The following CATSPERB variants were observed in gnomAD, a reference collection of about 807,000 sequenced individuals.
CATSPERB encodes the protein cation channel sperm-associated auxiliary subunit beta.
In CATSPERB, 93 loss-of-function variants were observed where a neutral mutation model predicts 128.3. The observed-to-expected ratio is 0.72, with a 90% CI of 0.61 to 0.86. The LOEUF (loss-of-function observed/expected upper bound fraction) is 0.86, where lower values mean the gene tolerates loss of function less well. Ranked by LOEUF, CATSPERB falls within the 40% of genes least tolerant of loss-of-function variation. CATSPERB has a pLI of 0.00. For missense variants in CATSPERB, 1,153 were observed against 1,329.5 expected (o/e 0.87, Z 2.06); for synonymous variants, 381 against 448.8 (o/e 0.85, Z 1.91).
chr14:91,610,361 A>G (rs1473791059), intron 21 of CATSPERB, 119 bp downstream of exon 21: 1 of 697,882 alleles, frequency 1.4e-6, no homozygotes, highest in African/African-American at 1.8e-5. Context: ...ATTAAAAAAT[A>G]ACTGTGAAGT....
At chr14:91,624,738 A>C (rs1455894668) in intron 18 of CATSPERB, 82 bp downstream of exon 18, 4 of 1,022,474 alleles carry the variant, frequency 3.9e-6, no homozygotes, top group African/African-American at 1.7e-5. Flanking sequence ...TTGCTCTATA[A>C]ATAAGCATTA....
In CATSPERB at chr14:91,715,420, C is replaced by T. The variant is rs555517487; in HGVS notation, c.370+3998G>A. ...CTACTAAAAATACAAAAAAATTAGC[C>T]AGGCGCCTGTAATCCCAGCTACTGA... On this transcript the variant is annotated intron_variant, in intron 5 of 26. Coordinates refer to ENST00000256343, the MANE Select transcript of CATSPERB (RefSeq NM_024764.4). 2.6e-5 allele frequency among the ~76,000 whole-genome samples: 4 copies of T among 151,682 alleles called. No homozygotes were observed. In the East Asian group the frequency reaches 7.8e-4, roughly 29 times the overall value.
intron 13 of CATSPERB, among the ~76,000 whole-genome samples, chr14:91,670,770 G>A (rs1274971064): frequency 2.6e-5 from 4 of 152,176 alleles, no homozygotes; most frequent in African/African-American, 9.6e-5. Context: ...TTGGGGGGCC[G>A]AACTGGGTGG....
In CATSPERB at chr14:91,729,487, A is replaced by G; in HGVS notation, c.1-8T>C. ...TATAAGTGGCGATTCCATCTGTTGGAATAAATAAGAATTATTTTCACTCAA... is the reference window on the plus strand; with the variant it reads ...TATAAGTGGCGATTCCATCTGTTGGGATAAATAAGAATTATTTTCACTCAA... On this transcript the variant is annotated splice_region_variant and splice_polypyrimidine_tract_variant and intron_variant, in intron 1 of 26. Coordinates refer to ENST00000256343, the MANE Select transcript of CATSPERB (RefSeq NM_024764.4). The G allele has an allele frequency of 7.0e-7, 1 of 1,425,228 alleles. No homozygotes were observed. Among genetic ancestry groups the G allele is most frequent in the Non-Finnish European group, 9.7e-7 (1 of 1,028,316 alleles). 88.3% of individuals were successfully genotyped at this position (1,425,228 alleles called of 1,614,324 possible).
chr14:91,586,575 G>GAGAGAGAA (rs1270098417), intron 26 of CATSPERB, among the ~76,000 whole-genome samples: 1 of 151,414 alleles, frequency 6.6e-6, no homozygotes, highest in East Asian at 2.0e-4. Context: ...GAGAGAAAGA[G>GAGAGAGAA]AGAGAGAGAG....
intron 11 of CATSPERB, among the ~76,000 whole-genome samples, chr14:91,681,257 A>G (rs1011250035): frequency 6.6e-6 from 1 of 152,188 alleles, no homozygotes; most frequent in Non-Finnish European, 1.5e-5. Flanking sequence ...TATATATTCT[A>G]TAGTTAACAT....
At chr14:91,617,365 A>C (rs981140325) in intron 20 of CATSPERB, among the ~76,000 whole-genome samples, 1 of 152,154 alleles carries the variant, frequency 6.6e-6, no homozygotes, top group Non-Finnish European at 1.5e-5. Context: ...TTTTTCTTTT[A>C]AGTTTGATAA....
intron 10 of CATSPERB, among the ~76,000 whole-genome samples, chr14:91,685,411 T>G (rs115932343): frequency 1.3e-5 from 2 of 152,316 alleles, no homozygotes; most frequent in African/African-American, 4.8e-5. Flanking sequence ...GGCTGATAAG[T>G]TAGTCCAAAA....
At chr14:91,627,779 A>G (rs1894195518) in intron 17 of CATSPERB, among the ~76,000 whole-genome samples, 1 of 151,800 alleles carries the variant, frequency 6.6e-6, no homozygotes, top group African/African-American at 2.4e-5. Flanking sequence ...ACCAGCTTGG[A>G]TGCAACATAG....
intron 24 of CATSPERB, among the ~76,000 whole-genome samples, chr14:91,589,317 A>G (rs1163968166): frequency 6.6e-6 from 1 of 152,200 alleles, no homozygotes; most frequent in African/African-American, 2.4e-5. Flanking sequence ...AAATTATTCA[A>G]AAATGCTTTT....
chr14:91,696,106 G>A (rs1895557489), intron 7 of CATSPERB, among the ~76,000 whole-genome samples: 1 of 152,276 alleles, frequency 6.6e-6, no homozygotes, highest in South Asian at 2.1e-4. Flanking sequence ...GAGTAGTTTT[G>A]TTTCAAAGGA....
At chr14:91,660,910 T>C (rs1758823098) in intron 14 of CATSPERB, among the ~76,000 whole-genome samples, 1 of 152,212 alleles carries the variant, frequency 6.6e-6, no homozygotes, top group Non-Finnish European at 1.5e-5. Flanking sequence ...ACTGATTTCA[T>C]TTTTATGGTA....
In CATSPERB at chr14:91,580,718, G is replaced by A. The variant is rs1893190178; in HGVS notation, c.*171C>T. 2 of 616,622 alleles carry A rather than the reference G, an allele frequency of 3.2e-6. No individual in the cohort carries two copies. Among genetic ancestry groups the A allele is most frequent in the Admixed American group, 6.0e-5 (2 of 33,322 alleles). The allele number at this position is 616,622 out of a possible 1,614,324, so 38.2% of individuals were successfully genotyped here. ...AGCCCTGGCATAAGACATTTTCTAT[G>A]TATTCAAAATAAGAAAAGGAAATGG... is the stretch of plus-strand genomic sequence containing the variant. On this transcript the variant is annotated 3_prime_UTR_variant, in exon 27 of 27. Transcript: ENST00000256343.
intron 4 of CATSPERB, among the ~76,000 whole-genome samples, 160 bp downstream of exon 4, chr14:91,722,889 A>G (rs919303894): frequency 6.6e-6 from 1 of 152,202 alleles, no homozygotes; most frequent in Non-Finnish European, 1.5e-5. Context: ...ATTTAAAAAT[A>G]TATGACTGTT....
chr14:91,646,778 A>C (rs773322374), intron 15 of CATSPERB, among the ~76,000 whole-genome samples: 2 of 152,238 alleles, frequency 1.3e-5, no homozygotes, highest in Non-Finnish European at 2.9e-5. Flanking sequence ...TACAATGATG[A>C]ATAGAGGCAG....
chr14:91,718,830 T>C (rs934498491), intron 5 of CATSPERB, among the ~76,000 whole-genome samples: 1 of 152,198 alleles, frequency 6.6e-6, no homozygotes, highest in Non-Finnish European at 1.5e-5. Flanking sequence ...TGAAGTCAAG[T>C]TGGTTTTGTT....
chr14:91,586,259 G>A (rs771981862), intron 26 of CATSPERB, among the ~76,000 whole-genome samples: 17 of 152,078 alleles, frequency 1.1e-4, no homozygotes, highest in Non-Finnish European at 2.4e-4. Context: ...CTTGTTCTCT[G>A]GAAAGAAAGT....
intron 4 of CATSPERB, among the ~76,000 whole-genome samples, chr14:91,722,293 TTCA>T (rs1466260401): frequency 1.3e-5 from 2 of 152,178 alleles, no homozygotes; most frequent in Non-Finnish European, 2.9e-5. Context: ...AGCCCAAAGG[TTCA>T]TCAACTGATA....
chr14:91,660,549 G>A (rs1894861219), intron 14 of CATSPERB, among the ~76,000 whole-genome samples: 1 of 151,906 alleles, frequency 6.6e-6, no homozygotes, highest in Admixed American at 6.6e-5. Context: ...TCATCTTTAG[G>A]TAAGAGTTGT....
Sources: allele counts gnomAD v4.1 joint callset (sites outside exome capture counted in the v4.1 genomes callset), GRCh38; gene constraint gnomAD v4.1.1; transcripts MANE v1.5; gene names NCBI Gene and HGNC (gene_info 2026-07-23, HGNC 2026-07-21).